The following ANO4 variants were observed in gnomAD, a reference collection of about 807,000 sequenced individuals.
ANO4 encodes anoctamin-4.
Under a neutral mutation model 141.9 loss-of-function variants are expected in ANO4, and 69 were observed. The ratio of observed to expected loss-of-function variants is 0.49; its 90% CI spans 0.40 to 0.59. ANO4 has a LOEUF of 0.59. Among genes scored for constraint, ANO4 ranks in the 20% least tolerant of loss-of-function variants. The pLI is 0.00. For synonymous variants in ANO4, 350 were observed against 394.3 expected, an observed-to-expected ratio of 0.89 and a Z score of 1.33; for missense variants, 894 against 1,162.2, an observed-to-expected ratio of 0.77 and a Z score of 3.36.
intron 1 of ANO4, among the ~76,000 whole-genome samples, chr12:100,810,127 TGAAAGG>T (rs1479736560): frequency 2.0e-5 from 3 of 151,218 alleles, no homozygotes; most frequent in Admixed American, 6.6e-5. Context: ...TGCAGCAGGA[TGAAAGG>T]GAAAGGGAAC....
upstream of ANO4, among the ~76,000 whole-genome samples, chr12:100,791,290 G>C (rs969485844): frequency 6.6e-6 from 1 of 151,940 alleles, no homozygotes; most frequent in Non-Finnish European, 1.5e-5. Context: ...TGCACCTGTG[G>C]TCCCAGTTAC....
intron 1 of ANO4, among the ~76,000 whole-genome samples, chr12:100,802,165 C>A (rs1022912466): frequency 1.3e-5 from 2 of 152,202 alleles, no homozygotes; most frequent in Non-Finnish European, 2.9e-5. Context: ...TGTGGAAAAC[C>A]CCCTGGGTCT....
At chr12:100,867,478 T>G (rs1014544926) in intron 1 of ANO4, among the ~76,000 whole-genome samples, 2 of 152,096 alleles carry the variant, frequency 1.3e-5, no homozygotes, top group Admixed American at 6.6e-5. Flanking sequence ...TAGTTCTTCA[T>G]TATTCAGTCC....
chr12:101,035,102 A>G (rs911381290), intron 9 of ANO4, among the ~76,000 whole-genome samples: 48 of 152,334 alleles, frequency 3.2e-4, no homozygotes, highest in African/African-American at 1.1e-3. Flanking sequence ...ATGGATGTTC[A>G]TAACAGCTTA....
At chr12:100,755,519 G>A (rs2032567565) in intron 3 of ANO4, among the ~76,000 whole-genome samples, 1 of 152,102 alleles carries the variant, frequency 6.6e-6, no homozygotes, top group Non-Finnish European at 1.5e-5. Context: ...CATAATAGTT[G>A]ATCAATATTT....
chr12:100,812,066 T>C (rs1393590541), intron 1 of ANO4, among the ~76,000 whole-genome samples: 1 of 152,032 alleles, frequency 6.6e-6, no homozygotes, highest in Admixed American at 6.6e-5. Context: ...GTAATTCCTC[T>C]TCTCTCCCCC....
chr12:100,999,069 C>G (rs1293155010), intron 8 of ANO4, among the ~76,000 whole-genome samples: 2 of 152,204 alleles, frequency 1.3e-5, no homozygotes, highest in African/African-American at 4.8e-5. Flanking sequence ...TGGCCCCAGT[C>G]TTATCTTTTT....
intron 1 of ANO4, among the ~76,000 whole-genome samples, chr12:100,882,371 T>C (rs1219138850): frequency 6.6e-6 from 1 of 152,210 alleles, no homozygotes; most frequent in Non-Finnish European, 1.5e-5. Context: ...CAGCATCTTT[T>C]ATGGCCTTTG....
chr12:100,950,003 C>G (rs1592811047), intron 5 of ANO4, among the ~76,000 whole-genome samples: 1 of 152,174 alleles, frequency 6.6e-6, no homozygotes, highest in East Asian at 1.9e-4. Context: ...TTGTAGACTT[C>G]CTGCCCAAAT....
chr12:100,867,569 G>C (rs182762200), intron 1 of ANO4, among the ~76,000 whole-genome samples: 14 of 151,156 alleles, frequency 9.3e-5, no homozygotes, highest in African/African-American at 3.4e-4. Flanking sequence ...CCATTCCAAT[G>C]TTAGTCTCAT....
At chr12:100,890,201 G>C (rs530351331) in intron 1 of ANO4, among the ~76,000 whole-genome samples, 20 of 152,242 alleles carry the variant, frequency 1.3e-4, no homozygotes, top group African/African-American at 4.8e-4. Flanking sequence ...TTTTGTAAAA[G>C]AGGAAATTGA....
intron 14 of ANO4, chr12:101,068,544 G>C (rs2048686603): frequency 7.9e-7 from 1 of 1,270,970 alleles, no homozygotes; most frequent in East Asian, 2.3e-5. Flanking sequence ...CTAAGTGTTA[G>C]GTGGAAAAAT....
At chr12:100,891,506 T>G (rs1319905818) in intron 1 of ANO4, among the ~76,000 whole-genome samples, 2 of 152,212 alleles carry the variant, frequency 1.3e-5, no homozygotes, top group East Asian at 1.9e-4. Context: ...GTTTTTGACT[T>G]TCACTATTCT....
chr12:100,806,856 A>G (rs996457209), intron 1 of ANO4, among the ~76,000 whole-genome samples: 10 of 151,448 alleles, frequency 6.6e-5, no homozygotes, highest in Non-Finnish European at 1.3e-4. Flanking sequence ...CTCTTTATAT[A>G]CTAGAAAAAT....
chr12:100,717,395 C>T (rs1221438474), upstream of ANO4: 4 of 356,884 alleles, frequency 1.1e-5, no homozygotes, highest in Non-Finnish European at 2.0e-5. Flanking sequence ...TGGGCGTGCT[C>T]AGCCGCGGAG....
intron 5 of ANO4, among the ~76,000 whole-genome samples, chr12:100,949,507 T>C (rs1039690727): frequency 1.3e-5 from 2 of 152,252 alleles, no homozygotes; most frequent in Non-Finnish European, 2.9e-5. Context: ...GCCTTTTATA[T>C]GGTAAGCATT....
rs542676240 is a variant in ANO4, at chr12:100,845,598, G to A, written c.-141+50571G>A. 5.9e-5 allele frequency among the ~76,000 whole-genome samples: 9 copies of A among 152,092 alleles called. No homozygotes were observed. The South Asian group carries it at 1.5e-3, about 25-fold the overall frequency. On this transcript the variant is annotated intron_variant, in intron 1 of 27. Coordinates refer to ENST00000392977, the MANE Select transcript of ANO4 (RefSeq NM_001286615.2). ...ATAGAGTCTTTTTATTGTCTATATG[G>A]TACATATGTCTGTATCTATGTGATA...
At chr12:100,764,726 A>G (rs2033007447) in intron 3 of ANO4, among the ~76,000 whole-genome samples, 1 of 152,332 alleles carries the variant, frequency 6.6e-6, no homozygotes, top group South Asian at 2.1e-4. Flanking sequence ...TCACCTGGTA[A>G]TTACCTTAGC....
chr12:100,995,097 T>C (rs952848581), intron 8 of ANO4, among the ~76,000 whole-genome samples: 6 of 139,462 alleles, frequency 4.3e-5, no homozygotes, highest in Non-Finnish European at 9.2e-5. Flanking sequence ...AGGGGATAAA[T>C]GCTATGGGAA....
Sources: allele counts gnomAD v4.1 joint callset (sites outside exome capture counted in the v4.1 genomes callset), GRCh38; gene constraint gnomAD v4.1.1; transcripts MANE v1.5; gene names NCBI Gene and HGNC (gene_info 2026-07-23, HGNC 2026-07-21).